MMS22L: variants seen among roughly 807,000 people sequenced by gnomAD.
MMS22L encodes the protein protein MMS22-like.
MMS22L carries 74 observed loss-of-function variants against 159.1 expected under a neutral mutation model. The observed-to-expected ratio is 0.47, with a 90% CI of 0.39 to 0.56. MMS22L has a LOEUF of 0.56. Among genes scored for constraint, MMS22L ranks in the 20% least tolerant of loss-of-function variants. The pLI, the probability that MMS22L is intolerant of heterozygous loss-of-function variation, is 0.00. For missense variants in MMS22L, 1,351 were observed against 1,422.1 expected (o/e 0.95, Z 0.80); for synonymous variants, 517 against 506.9 (o/e 1.02, Z -0.27).
At chr6:97,228,685 G>C (rs1446842048) in intron 14 of MMS22L, among the ~76,000 whole-genome samples, 2 of 152,020 alleles carry the variant, frequency 1.3e-5, no homozygotes, top group East Asian at 3.8e-4. Flanking sequence ...AACACTTCTA[G>C]TCCCAAGCTT....
intron 24 of MMS22L, among the ~76,000 whole-genome samples, chr6:97,149,621 C>G (rs1180195603): frequency 6.6e-6 from 1 of 152,166 alleles, no homozygotes; most frequent in African/African-American, 2.4e-5. Flanking sequence ...AAAGCGGTCA[C>G]TTTGAAAGGA....
At chr6:97,226,134 A>G (rs1195722117) in intron 14 of MMS22L, among the ~76,000 whole-genome samples, 1 of 152,242 alleles carries the variant, frequency 6.6e-6, no homozygotes, top group Non-Finnish European at 1.5e-5. Context: ...TAAACAATAC[A>G]CATTTCCATT....
chr6:97,266,538 A>C (rs1399669208), intron 8 of MMS22L: 1 of 152,178 alleles, frequency 6.6e-6, no homozygotes, highest in Non-Finnish European at 1.5e-5. Flanking sequence ...AACATGATTT[A>C]TTGTACTTAA....
At chr6:97,212,063 G>A (rs1426447467) in intron 14 of MMS22L, among the ~76,000 whole-genome samples, 1 of 152,142 alleles carries the variant, frequency 6.6e-6, no homozygotes, top group Non-Finnish European at 1.5e-5. Context: ...TTTAAGAAAA[G>A]TCTCCAACAT....
At chr6:97,280,094 C>G (rs1816624054) in intron 3 of MMS22L, among the ~76,000 whole-genome samples, 1 of 152,132 alleles carries the variant, frequency 6.6e-6, no homozygotes, top group Non-Finnish European at 1.5e-5. Flanking sequence ...TGAGCCTGTT[C>G]TATCAATAAA....
At chr6:97,194,675 T>C (rs1235715334) in intron 14 of MMS22L, among the ~76,000 whole-genome samples, 3 of 152,060 alleles carry the variant, frequency 2.0e-5, no homozygotes, top group African/African-American at 7.2e-5. Flanking sequence ...TGGAGGAGGA[T>C]TGAAAATACT....
chr6:97,254,722 G>A lies in MMS22L; in HGVS notation c.954C>T (p.Asn318=), dbSNP rs1813605741. 1.3e-6 allele frequency: 2 copies of A among 1,595,206 alleles called. No individual in the cohort carries two copies. The highest frequency in any genetic ancestry group is 2.7e-5 in the African/African-American group (2 of 74,024). Residue 318 remains asparagine (N), a synonymous_variant, in exon 10 of 25, where the codon AAC becomes AAT. Coordinates refer to ENST00000683635, the MANE Select transcript of MMS22L (RefSeq NM_001350599.2). ...GTGTTTTAAGTAGTTTATTCAACCAGTTCCAAAATGACTATAGAAACAGAA... is the reference window on the plus strand; with the variant it reads ...GTGTTTTAAGTAGTTTATTCAACCAATTCCAAAATGACTATAGAAACAGAA... The part of the protein sequence containing the change: ...SKWFVSESFW[N]WLNKLLKTLL...
chr6:97,210,676 T>G (rs1315001281), intron 14 of MMS22L, among the ~76,000 whole-genome samples: 2 of 151,966 alleles, frequency 1.3e-5, no homozygotes, highest in Non-Finnish European at 2.9e-5. Flanking sequence ...CTGTGTTGTA[T>G]TAGTCCATAT....
intron 8 of MMS22L, chr6:97,266,646 C>A (rs1815149145): frequency 6.6e-6 from 1 of 152,166 alleles, no homozygotes; most frequent in South Asian, 2.1e-4. Flanking sequence ...CAGTGTATGA[C>A]CCTACTATTC....
chr6:97,224,441 CAAG>C (rs1416795575), intron 14 of MMS22L, among the ~76,000 whole-genome samples: 1 of 151,292 alleles, frequency 6.6e-6, no homozygotes, highest in Admixed American at 6.6e-5. Flanking sequence ...GTTTTTATTG[CAAG>C]AAGTGAAATT....
At chr6:97,202,309 G>A (rs562816992) in intron 14 of MMS22L, among the ~76,000 whole-genome samples, 1 of 152,314 alleles carries the variant, frequency 6.6e-6, no homozygotes, top group South Asian at 2.1e-4. Flanking sequence ...TGCACTAACA[G>A]AAGGGTGTTT....
chr6:97,275,529 A>G (rs1471035251), intron 4 of MMS22L, among the ~76,000 whole-genome samples: 2 of 152,062 alleles, frequency 1.3e-5, no homozygotes, highest in Non-Finnish European at 2.9e-5. Context: ...CCCTCTCAAA[A>G]AGAAGAATTA....
chr6:97,184,563 C>A (rs1242040819), intron 15 of MMS22L, among the ~76,000 whole-genome samples: 1 of 152,098 alleles, frequency 6.6e-6, no homozygotes, highest in Non-Finnish European at 1.5e-5. Context: ...TTCCTCATCT[C>A]AGCAAATGGC....
intron 9 of MMS22L, among the ~76,000 whole-genome samples, chr6:97,255,487 G>A (rs1813701691): frequency 6.6e-6 from 1 of 151,862 alleles, no homozygotes; most frequent in African/African-American, 2.4e-5. Flanking sequence ...ATAATTTTTT[G>A]TTATTTTTAT....
At chr6:97,243,941 G>T (rs559715961) in intron 11 of MMS22L, among the ~76,000 whole-genome samples, 2 of 152,252 alleles carry the variant, frequency 1.3e-5, no homozygotes, top group Non-Finnish European at 2.9e-5. Flanking sequence ...CTCAGCCGTG[G>T]ATACCACCAC....
At chr6:97,162,287 T>C (rs1802529220) in intron 21 of MMS22L, 122 bp from the exon 22 acceptor site, 1 of 694,002 alleles carries the variant, frequency 1.4e-6, no homozygotes, top group Middle Eastern at 3.1e-4. Context: ...GCCACTTGTA[T>C]AAAGTATGTA....
chr6:97,261,453 T>C (rs1467874053), intron 9 of MMS22L: 1 of 152,240 alleles, frequency 6.6e-6, no homozygotes, highest in Non-Finnish European at 1.5e-5. Flanking sequence ...TACTTCCACT[T>C]AATGAGAAGT....
chr6:97,191,002 A>C (rs1371741059), intron 14 of MMS22L, among the ~76,000 whole-genome samples: 1 of 151,998 alleles, frequency 6.6e-6, no homozygotes, highest in East Asian at 1.9e-4. Context: ...AGCTTTCCTC[A>C]TTATCTTCAA....
At chr6:97,188,025 A>T (rs1805433196) in intron 14 of MMS22L, among the ~76,000 whole-genome samples, 1 of 152,176 alleles carries the variant, frequency 6.6e-6, no homozygotes, top group African/African-American at 2.4e-5. Flanking sequence ...CTAACCAAAT[A>T]TCTGCTATGT....
Sources: gnomAD v4.1 joint callset for allele counts (sites outside exome capture counted in the v4.1 genomes callset) on GRCh38, gnomAD v4.1.1 for gene constraint, MANE v1.5 for transcripts, NCBI Gene and HGNC (gene_info 2026-07-23, HGNC 2026-07-21) for gene names.